The following CFAP77 variants were observed in gnomAD, a reference collection of about 807,000 sequenced individuals.
CFAP77 encodes cilia- and flagella-associated protein 77.
CFAP77 carries 25 observed loss-of-function variants against 31.1 expected under a neutral mutation model. The observed-to-expected ratio is 0.80, with a 90% confidence interval of 0.59 to 1.12. The LOEUF (loss-of-function observed/expected upper bound fraction) is 1.12, where lower values mean the gene tolerates loss of function less well. Among genes scored for constraint, CFAP77 ranks in the 50% most tolerant of loss-of-function variants. The probability of loss-of-function intolerance (pLI) is 0.00; values close to 1 mark genes in which losing one functional copy is unlikely to be tolerated. For missense variants in CFAP77, 377 were observed against 397.3 expected (o/e 0.95, Z 0.44); for synonymous variants, 151 against 159.9 (o/e 0.94, Z 0.42).
chr9:132,464,185 A>G (rs891326850), intron 1 of CFAP77, among the ~76,000 whole-genome samples: 3 of 152,192 alleles, frequency 2.0e-5, no homozygotes, highest in African/African-American at 7.2e-5. Context: ...TATTTTAGGG[A>G]AACATGCACA....
At chr9:132,546,903 C>T (rs892117985) in intron 5 of CFAP77, among the ~76,000 whole-genome samples, 2 of 152,234 alleles carry the variant, frequency 1.3e-5, no homozygotes, top group Non-Finnish European at 2.9e-5. Context: ...TCCTTCCAAT[C>T]CAAGATTCTG....
chr9:132,414,947 C>T (rs977138869), intron 1 of CFAP77, among the ~76,000 whole-genome samples: 4 of 152,134 alleles, frequency 2.6e-5, no homozygotes, highest in African/African-American at 9.7e-5. Flanking sequence ...AACATAAAGG[C>T]ACGGAGAGGG....
intron 1 of CFAP77, among the ~76,000 whole-genome samples, chr9:132,414,600 G>A (rs1362214881): frequency 1.3e-5 from 2 of 152,066 alleles, no homozygotes; most frequent in African/African-American, 4.8e-5. Context: ...AAGTTTTCAA[G>A]TGAGCTGCAT....
chr9:132,572,458 AGT>A lies in CFAP77; in HGVS notation c.807_808del (p.Ala270ArgfsTer61), dbSNP rs1829971949. The A allele has an allele frequency of 1.9e-6, 3 of 1,611,730 alleles. No individual in the cohort carries two copies. The highest frequency in any genetic ancestry group is 2.5e-6 in the Non-Finnish European group (3 of 1,179,942). On this transcript the variant is annotated frameshift_variant, in exon 6 of 6. Coordinates refer to ENST00000393216, the MANE Select transcript of CFAP77 (RefSeq NM_001282957.2). LOFTEE classifies it high-confidence loss of function. ...AGAGCATTAAAAGCCCACCGGGAAG[AGT>A]GTGCCGTGCGCCAGGGGACCCTGCG...
chr9:132,502,791 C>T (rs1851873695), intron 3 of CFAP77, among the ~76,000 whole-genome samples: 1 of 152,186 alleles, frequency 6.6e-6, no homozygotes, highest in Non-Finnish European at 1.5e-5. Flanking sequence ...CTGTTCCAGT[C>T]TTGCTTTCAG....
At chr9:132,516,197 C>T (rs1428445338) in intron 3 of CFAP77, among the ~76,000 whole-genome samples, 5 of 152,150 alleles carry the variant, frequency 3.3e-5, no homozygotes, top group Non-Finnish European at 5.9e-5. Flanking sequence ...TGTGAATCTT[C>T]TGATTTTTAA....
At chr9:132,556,221 A>G (rs1852903600) in intron 5 of CFAP77, among the ~76,000 whole-genome samples, 1 of 152,146 alleles carries the variant, frequency 6.6e-6, no homozygotes, top group Non-Finnish European at 1.5e-5. Flanking sequence ...GCCTCCGTCG[A>G]CACAGTCCCT....
At chr9:132,528,573 T>C (rs1852382611) in intron 3 of CFAP77, among the ~76,000 whole-genome samples, 1 of 140,852 alleles carries the variant, frequency 7.1e-6, no homozygotes, top group African/African-American at 2.6e-5. Flanking sequence ...ACAGGCAACC[T>C]ACAACATGGG....
intron 3 of CFAP77, among the ~76,000 whole-genome samples, chr9:132,530,645 A>G (rs1283807344): frequency 6.6e-6 from 1 of 151,948 alleles, no homozygotes; most frequent in East Asian, 1.9e-4. Flanking sequence ...TTGAGTTTTG[A>G]GAGTTTTTTA....
intron 3 of CFAP77, chr9:132,513,330 A>G: frequency 6.5e-7 from 1 of 1,547,998 alleles, no homozygotes. Context: ...ACCTGGATTT[A>G]GCACGCTAAC....
chr9:132,486,090 ATTTTTTT>A lies in CFAP77; in HGVS notation c.196-12591_196-12585del, dbSNP rs1178281920. On this transcript the variant is annotated intron_variant, in intron 1 of 5. Coordinates refer to ENST00000393216, the MANE Select transcript of CFAP77 (RefSeq NM_001282957.2). ...TGTATATATATATATATATATATAT[ATTTTTTT>A]TTTTTTTTTTTTTGAGACGGAGTCT... 3.9e-4 allele frequency among the ~76,000 whole-genome samples: 6 copies of A among 15,356 alleles called. 3 individuals are homozygous for A. The highest frequency in any genetic ancestry group is 2.6e-3 in the African/African-American group (6 of 2,314). The allele number at this position is 15,356 out of a possible 152,430, so 10.1% of individuals were successfully genotyped here. A position where few individuals can be genotyped will look rare whatever the true frequency, so the allele number is the denominator to read the frequency against.
chr9:132,446,743 CAAAAAAAAAAAA>C (rs1184310514), intron 1 of CFAP77, among the ~76,000 whole-genome samples: 1 of 66,064 alleles, frequency 1.5e-5, no homozygotes, highest in South Asian at 5.1e-4. Flanking sequence ...TCCTCCGTCT[CAAAAAAAAAAAA>C]AAAAAAAAAA....
intron 3 of CFAP77, among the ~76,000 whole-genome samples, chr9:132,537,270 T>A (rs968945572): frequency 1.3e-5 from 2 of 152,076 alleles, no homozygotes; most frequent in Middle Eastern, 3.4e-3. Context: ...GGGTGGGGAA[T>A]CAACGTAGCG....
intron 3 of CFAP77, among the ~76,000 whole-genome samples, chr9:132,512,815 C>T (rs1852062878): frequency 6.6e-6 from 1 of 152,146 alleles, no homozygotes; most frequent in African/African-American, 2.4e-5. Context: ...AGCGTGGTGG[C>T]AGGTGCCTGC....
intron 3 of CFAP77, among the ~76,000 whole-genome samples, chr9:132,512,767 C>T (rs1000631031): frequency 5.9e-5 from 9 of 152,084 alleles, no homozygotes; most frequent in Non-Finnish European, 1.2e-4. Flanking sequence ...GCCAACATGG[C>T]GAAACCTTGT....
chr9:132,510,803 G>A (rs1047153016), intron 3 of CFAP77, among the ~76,000 whole-genome samples: 6 of 152,258 alleles, frequency 3.9e-5, no homozygotes, highest in Middle Eastern at 6.8e-3. Flanking sequence ...CCTTGCATTC[G>A]TTTTGATGAA....
intron 3 of CFAP77, among the ~76,000 whole-genome samples, chr9:132,519,344 G>GTGAATGGATGGATGGGTGGGTGGC (rs1852206849): frequency 2.5e-3 from 6 of 2,440 alleles, no homozygotes; most frequent in Non-Finnish European, 3.9e-3. Flanking sequence ...GGATGGGTGG[G>GTGAATGGATGGATGGGTGGGTGGC]TGGGCAAGTG....
intron 1 of CFAP77, among the ~76,000 whole-genome samples, chr9:132,479,788 A>T (rs896785653): frequency 6.6e-6 from 1 of 152,156 alleles, no homozygotes; most frequent in African/African-American, 2.4e-5. Flanking sequence ...CCTACTGCAG[A>T]TATTTAGAAT....
chr9:132,547,145 T>G lies in CFAP77; in HGVS notation c.732+4098T>G, dbSNP rs536044574. Among the ~76,000 whole-genome samples the G allele has an allele frequency of 7.2e-5, 11 of 152,292 alleles. No individual in the cohort carries two copies. In the East Asian group the frequency reaches 2.1e-3, roughly 29 times the overall value. ...GGGGATAGAGACGCTCCCCTGCCCT[T>G]TGGCCGGGTGTTCTAGGTCTCCAGG... On this transcript the variant is annotated intron_variant, in intron 5 of 5. Transcript: ENST00000393216.
Sources: gnomAD v4.1 joint callset for allele counts (sites outside exome capture counted in the v4.1 genomes callset) on GRCh38, gnomAD v4.1.1 for gene constraint, MANE v1.5 for transcripts, NCBI Gene and HGNC (gene_info 2026-07-23, HGNC 2026-07-21) for gene names.